CPPED1: variants seen among roughly 807,000 people sequenced by gnomAD.
CPPED1 encodes calcineurin like phosphoesterase domain containing 1.
In CPPED1, 28 loss-of-function variants were observed where a neutral mutation model predicts 28.0. That is an observed-to-expected ratio of 1.00 (90% confidence interval 0.74 to 1.37). The LOEUF (loss-of-function observed/expected upper bound fraction) is 1.37, where lower values mean the gene tolerates loss of function less well. CPPED1 is among the 40% of genes most tolerant of loss of function. The pLI, the probability that CPPED1 is intolerant of heterozygous loss-of-function variation, is 0.00. For missense variants in CPPED1, 504 were observed against 416.5 expected (o/e 1.21, Z -1.83); for synonymous variants, 198 against 180.2 (o/e 1.10, Z -0.79).
At chr16:12,718,297 G>C (rs953256067) in intron 2 of CPPED1, among the ~76,000 whole-genome samples, 1 of 152,188 alleles carries the variant, frequency 6.6e-6, no homozygotes, top group African/African-American at 2.4e-5. Context: ...CTAGCACTTT[G>C]GCAGGCCAAG....
Position 12,665,121 on chromosome 16 carries a change from G to A in CPPED1, c.716-6C>T. The A allele has an allele frequency of 1.9e-6, 3 of 1,588,904 alleles. No homozygotes were observed. Among genetic ancestry groups the A allele is most frequent in the South Asian group, 2.3e-5 (2 of 86,164 alleles). ...TGAGAACACGACTTTGACACCTGCA[G>A]AGAAGGGAAAAAGTCATTAGGGGGC... On this transcript the variant is annotated splice_region_variant and splice_polypyrimidine_tract_variant and intron_variant, in intron 3 of 3. Transcript: ENST00000381774.
chr16:12,801,725 T>A (rs1196980013), intron 1 of CPPED1, among the ~76,000 whole-genome samples: 1 of 152,128 alleles, frequency 6.6e-6, no homozygotes, highest in East Asian at 1.9e-4. Flanking sequence ...TTAGTCAGGA[T>A]CCTTGCAGGA....
At chr16:12,797,586 T>G (rs893703701) in intron 1 of CPPED1, among the ~76,000 whole-genome samples, 1 of 152,056 alleles carries the variant, frequency 6.6e-6, no homozygotes, top group Non-Finnish European at 1.5e-5. Flanking sequence ...CAAGGCCCAG[T>G]GGCTCACACC....
intron 3 of CPPED1, among the ~76,000 whole-genome samples, chr16:12,696,150 G>C (rs2079988968): frequency 6.6e-6 from 1 of 152,088 alleles, no homozygotes; most frequent in African/African-American, 2.4e-5. Flanking sequence ...ACTTCCTATA[G>C]TTTGCATTTT....
chr16:12,756,299 G>C (rs775201940), intron 2 of CPPED1, among the ~76,000 whole-genome samples: 1 of 152,162 alleles, frequency 6.6e-6, no homozygotes, highest in Non-Finnish European at 1.5e-5. Context: ...AAATTCACAA[G>C]GGCAAAATGC....
chr16:12,796,822 C>T (rs572818022), intron 1 of CPPED1, among the ~76,000 whole-genome samples: 1 of 152,002 alleles, frequency 6.6e-6, no homozygotes, highest in Middle Eastern at 3.4e-3. Context: ...TACCCAGATG[C>T]GTGAAATGTC....
At chr16:12,724,820 T>C (rs2080161098) in intron 2 of CPPED1, among the ~76,000 whole-genome samples, 1 of 152,152 alleles carries the variant, frequency 6.6e-6, no homozygotes, top group Non-Finnish European at 1.5e-5. Context: ...GGAGTGTCAC[T>C]CTGTCACCCA....
In CPPED1 at chr16:12,695,799, G is replaced by A. The variant is rs182248477; in HGVS notation, c.715+8825C>T. On this transcript the variant is annotated intron_variant, in intron 3 of 3. Coordinates refer to ENST00000381774, the MANE Select transcript of CPPED1 (RefSeq NM_018340.3). ...TCTGCCCACAAATCTCTCACCATTTGGCTGTGCTCGAGTCTTTCTGAGCCT... is the reference window on the plus strand; with the variant it reads ...TCTGCCCACAAATCTCTCACCATTTAGCTGTGCTCGAGTCTTTCTGAGCCT... Among the ~76,000 whole-genome samples the A allele has an allele frequency of 1.1e-4, 16 of 152,238 alleles. 1 individual carries two copies. Among genetic ancestry groups the A allele is most frequent in the Admixed American group, 5.2e-4 (8 of 15,296 alleles).
chr16:12,711,487 T>G, intron 2 of CPPED1, among the ~76,000 whole-genome samples: 1 of 152,230 alleles, frequency 6.6e-6, no homozygotes. Context: ...GTGGTACATG[T>G]AACGTTACGT....
intron 2 of CPPED1, among the ~76,000 whole-genome samples, chr16:12,705,753 TGCCTTA>T (rs1489346551): frequency 1.6e-4 from 24 of 152,202 alleles, no homozygotes; most frequent in African/African-American, 5.5e-4. Flanking sequence ...AGCGAATCTC[TGCCTTA>T]GCCTCCCAAA....
chr16:12,744,481 G>A lies in CPPED1; in HGVS notation c.289+36704C>T, dbSNP rs1025074343. 2.6e-5 allele frequency among the ~76,000 whole-genome samples: 4 copies of A among 152,136 alleles called. No individual in the cohort carries two copies. The South Asian group carries it at 6.2e-4, about 24-fold the overall frequency. ...AATTAAAAAACTGGACAAGAAACAC[G>A]AAGCCACAGTACTTGAGACATGGAC... is the stretch of plus-strand genomic sequence containing the variant. On this transcript the variant is annotated intron_variant, in intron 2 of 3. Transcript: ENST00000381774.
intron 2 of CPPED1, among the ~76,000 whole-genome samples, chr16:12,775,591 A>G (rs1416346037): frequency 6.6e-6 from 1 of 152,212 alleles, no homozygotes; most frequent in East Asian, 1.9e-4. Flanking sequence ...CATTGTCCAT[A>G]CAGTTCATCT....
chr16:12,757,494 G>C (rs1323573420), intron 2 of CPPED1: 1 of 150,856 alleles, frequency 6.6e-6, no homozygotes, highest in East Asian at 2.0e-4. Context: ...TACAGATAGA[G>C]CCTCAGATCC....
chr16:12,797,468 TG>T (rs1454093080), intron 1 of CPPED1, among the ~76,000 whole-genome samples: 1 of 151,254 alleles, frequency 6.6e-6, no homozygotes, highest in African/African-American at 2.4e-5. Context: ...GGATCGAGCA[TG>T]GCTTGAGCCC....
At chr16:12,762,349 A>G (rs138642486) in intron 2 of CPPED1, among the ~76,000 whole-genome samples, 13 of 152,368 alleles carry the variant, frequency 8.5e-5, no homozygotes, top group African/African-American at 3.1e-4. Flanking sequence ...TGTACTAGTT[A>G]TGCTGTATGT....
chr16:12,692,965 G>A (rs1270507557), intron 3 of CPPED1, among the ~76,000 whole-genome samples: 1 of 152,196 alleles, frequency 6.6e-6, no homozygotes, highest in Non-Finnish European at 1.5e-5. Context: ...ACCCTCACCT[G>A]GACTTCCAAC....
At chr16:12,783,071 G>C (rs1016217761) in intron 1 of CPPED1, among the ~76,000 whole-genome samples, 1 of 152,154 alleles carries the variant, frequency 6.6e-6, no homozygotes, top group Non-Finnish European at 1.5e-5. Flanking sequence ...GGCAATATGA[G>C]GGTGACCAAG....
At chr16:12,688,769 C>T (rs1185198230) in intron 3 of CPPED1, among the ~76,000 whole-genome samples, 5 of 152,116 alleles carry the variant, frequency 3.3e-5, no homozygotes, top group South Asian at 2.1e-4. Context: ...CCAAGGAACA[C>T]GTGGGAACAT....
At chr16:12,725,491 G>A (rs1008243796) in intron 2 of CPPED1, among the ~76,000 whole-genome samples, 10 of 152,216 alleles carry the variant, frequency 6.6e-5, no homozygotes, top group African/African-American at 1.4e-4. Flanking sequence ...TTGGATTCAC[G>A]CAGCATCAAT....
Sources: allele counts gnomAD v4.1 joint callset (sites outside exome capture counted in the v4.1 genomes callset), GRCh38; gene constraint gnomAD v4.1.1; transcripts MANE v1.5; gene names NCBI Gene and HGNC (gene_info 2026-07-23, HGNC 2026-07-21).